CLIC2: variants seen among roughly 807,000 people sequenced by gnomAD.
CLIC2 encodes chloride intracellular channel protein 2.
In CLIC2, 9 loss-of-function variants were observed where a neutral mutation model predicts 14.8. The observed-to-expected ratio is 0.61, with a 90% CI of 0.37 to 1.06. The LOEUF is 1.06. Ranked by LOEUF, CLIC2 falls within the 50% of genes least tolerant of loss-of-function variation. CLIC2 has a pLI of 0.01. For missense variants in CLIC2, 148 were observed against 181.4 expected (o/e 0.82, Z 1.06); for synonymous variants, 61 against 66.3 (o/e 0.92, Z 0.39).
At chrX:155,313,197 CA>C (rs59429236) in intron 1 of CLIC2, among the ~76,000 whole-genome samples, 2,228 of 32,600 alleles carry the variant, frequency 0.068, 50 homozygotes, top group African/African-American at 0.15. Flanking sequence ...ATAAATAAGG[CA>C]AAAAAAAAAA....
intron 1 of CLIC2, among the ~76,000 whole-genome samples, chrX:155,314,885 AATAG>A (rs1442617195): frequency 1.2e-4 from 13 of 111,606 alleles, no homozygotes; most frequent in Admixed American, 8.6e-4. Context: ...TCTTCAATGA[AATAG>A]ATAGCATAAA....
At chrX:155,288,222 C>G (rs1405566525) in intron 3 of CLIC2, among the ~76,000 whole-genome samples, 1 of 111,475 alleles carries the variant, frequency 9.0e-6, no homozygotes, top group African/African-American at 3.3e-5. Flanking sequence ...AAATGTCCAC[C>G]AGAAGGCATG....
At chrX:155,281,214 G>A (rs973507429) in intron 3 of CLIC2, among the ~76,000 whole-genome samples, 1 of 108,621 alleles carries the variant, frequency 9.2e-6, no homozygotes, top group South Asian at 4.1e-4. Flanking sequence ...GGGGCAGTGG[G>A]GGGAGGAAAG....
chrX:155,301,343 G>T (rs2075017154), intron 1 of CLIC2, among the ~76,000 whole-genome samples: 1 of 110,113 alleles, frequency 9.1e-6, no homozygotes, highest in Non-Finnish European at 1.9e-5. Context: ...TGAAGTAATT[G>T]TGAATGGGAG....
At chrX:155,288,155 A>T (rs2074949595) in intron 3 of CLIC2, among the ~76,000 whole-genome samples, 1 of 111,725 alleles carries the variant, frequency 9.0e-6, no homozygotes, top group African/African-American at 3.3e-5. Context: ...TATTGGGTTG[A>T]GAGTATGGGG....
At chrX:155,292,905 G>A (rs2074979587) in intron 3 of CLIC2, 5 of 1,020,835 alleles carry the variant, frequency 4.9e-6, no homozygotes, top group Non-Finnish European at 6.9e-6. Flanking sequence ...CTCAAGGGAA[G>A]TAGGAAGTTT....
intron 1 of CLIC2, among the ~76,000 whole-genome samples, chrX:155,324,283 C>A (rs985336000): frequency 2.1e-5 from 2 of 94,758 alleles, no homozygotes; most frequent in African/African-American, 7.3e-5. Context: ...ATAGCCAAAA[C>A]AATCCAAAGC....
chrX:155,289,322 A>G (rs2074954463), intron 3 of CLIC2, among the ~76,000 whole-genome samples: 1 of 111,849 alleles, frequency 8.9e-6, no homozygotes, highest in African/African-American at 3.2e-5. Context: ...GAAGTATTCT[A>G]GCTTCCTCTA....
intron 3 of CLIC2, chrX:155,291,284 A>G (rs2074963888): frequency 3.3e-6 from 3 of 918,556 alleles, no homozygotes; most frequent in African/African-American, 1.9e-5. Flanking sequence ...CCCATTTTCA[A>G]TAGATATTTT....
At chrX:155,292,218 G>C in intron 3 of CLIC2, 1 of 568,328 alleles carries the variant, frequency 1.8e-6, no homozygotes, top group Non-Finnish European at 3.2e-6. Flanking sequence ...TCCTTTAAAA[G>C]GAAATATCCA....
chrX:155,306,252 C>T (rs1244578307), intron 1 of CLIC2, among the ~76,000 whole-genome samples: 4 of 110,898 alleles, frequency 3.6e-5, no homozygotes, highest in Non-Finnish European at 7.5e-5. Flanking sequence ...TAAGTTTGTT[C>T]CTGCTCAGTT....
At chrX:155,333,764 AAAG>A (rs1357869640) in intron 1 of CLIC2, among the ~76,000 whole-genome samples, 7 of 110,019 alleles carry the variant, frequency 6.4e-5, no homozygotes, top group South Asian at 3.8e-4. Flanking sequence ...GGCAGACCAA[AAAG>A]AAGAAGCAGA....
At position 155,290,578 on chromosome X, in the gene CLIC2, G is replaced by A. The variant is rs10284191; in HGVS notation, c.293+8207C>T. On this transcript the variant is annotated intron_variant, in intron 3 of 5. Coordinates refer to ENST00000369449, the MANE Select transcript of CLIC2 (RefSeq NM_001289.6). ...CTCTTGCAGCTAGAATACAGCATCCGTTCTCTTATACTGCATGTGTATCTG... is the reference window on the plus strand; with the variant it reads ...CTCTTGCAGCTAGAATACAGCATCCATTCTCTTATACTGCATGTGTATCTG... The A allele has an allele frequency of 4.3e-4, 272 of 625,804 alleles. No homozygotes were observed. The African/African-American group carries it at 4.9e-3, about 11-fold the overall frequency. The allele number at this position is 625,804 out of a possible 1,213,427, so 51.6% of individuals were successfully genotyped here.
chrX:155,309,460 T>C, intron 1 of CLIC2: 1 of 155,175 alleles, frequency 6.4e-6, no homozygotes, highest in Admixed American at 7.4e-5. Flanking sequence ...TATAGGCCAA[T>C]ATCACTGATA....
At chrX:155,317,295 T>C (rs2075098514) in intron 1 of CLIC2, among the ~76,000 whole-genome samples, 1 of 111,109 alleles carries the variant, frequency 9.0e-6, no homozygotes, top group Non-Finnish European at 1.9e-5. Flanking sequence ...AAAAGATAAA[T>C]AAAATTGATA....
chrX:155,313,209 A>AC (rs1267195422), intron 1 of CLIC2, among the ~76,000 whole-genome samples: 323 of 109,172 alleles, frequency 3.0e-3, no homozygotes, highest in African/African-American at 0.01. Flanking sequence ...AAAAAAAAAA[A>AC]AAAAAACAAA....
intron 1 of CLIC2, among the ~76,000 whole-genome samples, chrX:155,307,161 A>G (rs1412124397): frequency 9.0e-6 from 1 of 111,685 alleles, no homozygotes; most frequent in Non-Finnish European, 1.9e-5. Flanking sequence ...TCAGTTTTAA[A>G]CAGAGATAAA....
intron 1 of CLIC2, among the ~76,000 whole-genome samples, chrX:155,300,444 T>A (rs1179620138): frequency 9.0e-6 from 1 of 111,721 alleles, no homozygotes; most frequent in East Asian, 2.8e-4. Flanking sequence ...CTCTTGTAAA[T>A]TTGTTTGAGT....
In CLIC2 at chrX:155,289,137, T is replaced by G. The variant is rs782356104; in HGVS notation, c.294-9069A>C. 6.8e-5 allele frequency among the ~76,000 whole-genome samples: 7 copies of G among 102,938 alleles called. No homozygotes were observed. In the East Asian group the frequency reaches 1.8e-3, roughly 26 times the overall value. The allele number at this position is 102,938 out of a possible 115,157, so 89.4% of individuals were successfully genotyped here. ...CCAGCCTGGGCAACAAGAGCAAAAC[T>G]CCGTCTCAAAAAAAAAAAAAATGAG... On this transcript the variant is annotated intron_variant, in intron 3 of 5. Coordinates refer to ENST00000369449, the MANE Select transcript of CLIC2 (RefSeq NM_001289.6).
Sources: allele counts gnomAD v4.1 joint callset (sites outside exome capture counted in the v4.1 genomes callset), GRCh38; gene constraint gnomAD v4.1.1; transcripts MANE v1.5; gene names NCBI Gene and HGNC (gene_info 2026-07-23, HGNC 2026-07-21).